Variants in GLIS3 observed in about 807,000 individuals in gnomAD.
The protein encoded by GLIS3 is GLIS family zinc finger 3.
A neutral mutation model predicts 78.6 loss-of-function variants in GLIS3; 53 were observed. The ratio of observed to expected loss-of-function variants is 0.67; its 90% confidence interval spans 0.54 to 0.85. GLIS3 has a LOEUF of 0.85. Among genes scored for constraint, GLIS3 ranks in the 40% least tolerant of loss-of-function variants. The pLI is 0.00. For synonymous variants in GLIS3, 684 were observed against 509.9 expected, an observed-to-expected ratio of 1.34 and a Z score of -4.60; for missense variants, 1,703 against 1,231.1, an observed-to-expected ratio of 1.38 and a Z score of -5.74.
At chr9:4,217,930 T>A (rs150396708) in intron 2 of GLIS3, among the ~76,000 whole-genome samples, 1 of 152,230 alleles carries the variant, frequency 6.6e-6, no homozygotes, top group East Asian at 1.9e-4. Context: ...CTTACAAACA[T>A]ATGGGACTTA....
At chr9:4,264,020 C>T (rs1215615051) in intron 2 of GLIS3, among the ~76,000 whole-genome samples, 1 of 152,154 alleles carries the variant, frequency 6.6e-6, no homozygotes, top group Non-Finnish European at 1.5e-5. Flanking sequence ...CTATCTCCCA[C>T]TTCACTCCAG....
chr9:4,203,572 A>G (rs72691832), intron 2 of GLIS3, among the ~76,000 whole-genome samples: 2 of 152,340 alleles, frequency 1.3e-5, no homozygotes, highest in Non-Finnish European at 2.9e-5. Context: ...TATTAATACT[A>G]TTTCACCCCA....
At chr9:4,307,596 T>C (rs1817261831) in intron 4 of GLIS3, among the ~76,000 whole-genome samples, 1 of 152,132 alleles carries the variant, frequency 6.6e-6, no homozygotes, top group Non-Finnish European at 1.5e-5. Flanking sequence ...ATATGTTAGA[T>C]TACATGGCAA....
chr9:4,165,720 G>A lies in GLIS3; in HGVS notation c.389-39779C>T, dbSNP rs79857302. Among the ~76,000 whole-genome samples, 521 of 152,294 alleles carry A rather than the reference G, an allele frequency of 3.4e-3. 1 individual carries two copies. Among genetic ancestry groups the A allele is most frequent in the Non-Finnish European group, 5.9e-3 (402 of 68,032 alleles). On this transcript the variant is annotated intron_variant, in intron 2 of 10. Transcript: ENST00000381971. ...TATGATGTGCCTATGCAGATATCCA[G>A]ATAGAACTACAAATATACAGTTGGA... is the stretch of plus-strand genomic sequence containing the variant.
intron 2 of GLIS3, among the ~76,000 whole-genome samples, chr9:4,207,478 C>T (rs756420645): frequency 2.0e-5 from 3 of 152,242 alleles, no homozygotes; most frequent in South Asian, 2.1e-4. Context: ...GCTTATGGAG[C>T]AATTTAGAGA....
At chr9:3,986,400 C>T (rs1261413091) in intron 4 of GLIS3, among the ~76,000 whole-genome samples, 1 of 152,142 alleles carries the variant, frequency 6.6e-6, no homozygotes, top group Non-Finnish European at 1.5e-5. Context: ...CACAGAATTC[C>T]ACTCCCTTCT....
intron 1 of GLIS3, among the ~76,000 whole-genome samples, chr9:4,298,082 C>G (rs1175405433): frequency 1.3e-5 from 2 of 152,168 alleles, no homozygotes; most frequent in Non-Finnish European, 2.9e-5. Flanking sequence ...ACAAAACAAA[C>G]TAGTGCCGGC....
chr9:4,174,083 G>C (rs1482872225), intron 2 of GLIS3, among the ~76,000 whole-genome samples: 1 of 152,102 alleles, frequency 6.6e-6, no homozygotes, highest in Non-Finnish European at 1.5e-5. Flanking sequence ...AGTTAAGTAG[G>C]TCAGACTGTA....
At chr9:4,219,039 G>A (rs1043048226) in intron 2 of GLIS3, among the ~76,000 whole-genome samples, 1 of 152,162 alleles carries the variant, frequency 6.6e-6, no homozygotes, top group Admixed American at 6.5e-5. Flanking sequence ...ATAAGTAAGA[G>A]CCCAATGAAT....
At chr9:4,076,337 T>C (rs142504831) in intron 4 of GLIS3, among the ~76,000 whole-genome samples, 67 of 152,290 alleles carry the variant, frequency 4.4e-4, no homozygotes, top group African/African-American at 1.4e-3. Context: ...TTACTAAAAC[T>C]ATGTTTCTCA....
chr9:4,488,305 ATTTC>A, the GLIS3 span, among the ~76,000 whole-genome samples: 2 of 152,046 alleles, frequency 1.3e-5, no homozygotes, highest in African/African-American at 4.8e-5. Context: ...CAATTTTAGT[ATTTC>A]TTTCTTCCCT....
intron 2 of GLIS3, among the ~76,000 whole-genome samples, chr9:4,326,032 C>A (rs1817592958): frequency 6.6e-6 from 1 of 152,100 alleles, no homozygotes; most frequent in African/African-American, 2.4e-5. Flanking sequence ...CTGTGGGGAA[C>A]AACACACACT....
chr9:3,861,745 T>G (rs1208970110), intron 8 of GLIS3, among the ~76,000 whole-genome samples: 3 of 151,976 alleles, frequency 2.0e-5, no homozygotes, highest in African/African-American at 7.2e-5. Context: ...TGAGAACACA[T>G]GGACACAGGG....
intron 4 of GLIS3, among the ~76,000 whole-genome samples, chr9:4,040,090 A>AATTGTGTAGTACC (rs1824673168): frequency 6.6e-6 from 1 of 152,122 alleles, no homozygotes; most frequent in Non-Finnish European, 1.5e-5. Context: ...ATCTGCAGGA[A>AATTGTGTAGTACC]AGCCCCCTAC....
the GLIS3 span, among the ~76,000 whole-genome samples, chr9:4,420,318 C>T: frequency 6.6e-6 from 1 of 152,282 alleles, no homozygotes; most frequent in East Asian, 1.9e-4. Context: ...TCATTTTCTT[C>T]CATCACTGAA....
chr9:3,951,278 C>T (rs1052718624), intron 4 of GLIS3, among the ~76,000 whole-genome samples: 2 of 151,976 alleles, frequency 1.3e-5, no homozygotes, highest in African/African-American at 4.8e-5. Context: ...ACTGAAAAGA[C>T]GTGGTAGTAA....
chr9:3,953,777 C>CA (rs1563886418), intron 4 of GLIS3, among the ~76,000 whole-genome samples: 41 of 38,150 alleles, frequency 1.1e-3, no homozygotes, highest in African/African-American at 4.0e-3. Context: ...CTCTCTCTCT[C>CA]TCTCTCTCTC....
chr9:4,418,485 G>GT, the GLIS3 span, among the ~76,000 whole-genome samples: 3 of 152,172 alleles, frequency 2.0e-5, no homozygotes, highest in Admixed American at 2.0e-4. Context: ...TAAAAGTGGT[G>GT]TAAAAACATA....
the GLIS3 span, among the ~76,000 whole-genome samples, chr9:4,388,605 G>A: frequency 3.9e-5 from 6 of 152,148 alleles, no homozygotes; most frequent in African/African-American, 1.4e-4. Context: ...GAATCTGGGA[G>A]GCGGAGGTTG....
Sources: gnomAD v4.1 joint callset for allele counts (sites outside exome capture counted in the v4.1 genomes callset) on GRCh38, gnomAD v4.1.1 for gene constraint, MANE v1.5 for transcripts, NCBI Gene and HGNC (gene_info 2026-07-23, HGNC 2026-07-21) for gene names.